ARHGAP32: variants seen among roughly 807,000 people sequenced by gnomAD.
ARHGAP32 encodes the protein rho GTPase-activating protein 32.
ARHGAP32 carries 51 observed loss-of-function variants against 186.5 expected under a neutral mutation model. The observed-to-expected ratio is 0.27, with a 90% CI of 0.22 to 0.35. The LOEUF (loss-of-function observed/expected upper bound fraction) is 0.35, where lower values mean the gene tolerates loss of function less well. Among genes scored for constraint, ARHGAP32 ranks in the 10% least tolerant of loss-of-function variants. The pLI is 1.00. For synonymous variants in ARHGAP32, 950 were observed against 964.3 expected (o/e 0.99, Z 0.27); for missense variants, 2,186 against 2,623.5 (o/e 0.83, Z 3.64).
intron 1 of ARHGAP32, among the ~76,000 whole-genome samples, chr11:129,210,715 C>T (rs1377859499): frequency 1.3e-5 from 2 of 152,196 alleles, no homozygotes; most frequent in African/African-American, 4.8e-5. Context: ...CAATTAACCA[C>T]TCAACTATTT....
intron 1 of ARHGAP32, among the ~76,000 whole-genome samples, chr11:129,243,975 C>T (rs1269709880): frequency 1.3e-5 from 2 of 152,116 alleles, no homozygotes; most frequent in Non-Finnish European, 2.9e-5. Flanking sequence ...TCCTTGTGAA[C>T]AAGTACAGAA....
chr11:128,970,044 T>G lies in ARHGAP32; in HGVS notation c.5169A>C (p.Pro1723=). 1.9e-6 allele frequency: 3 copies of G among 1,614,162 alleles called. No individual in the cohort carries two copies. Among genetic ancestry groups the G allele is most frequent in the East Asian group, 2.2e-5 (1 of 44,880 alleles). Residue 1723 remains proline, a synonymous_variant, in exon 23 of 23, where the codon CCA becomes CCC. Coordinates refer to ENST00000682385, the MANE Select transcript of ARHGAP32 (RefSeq NM_001378024.1). This position sits in a 1 kb window ranked among gnomAD's most constrained non-coding sequence, Gnocchi z 5.8. ...AGCCAGTCACGTTGGCCCGGGGACG[T>G]GGAGCCAAACCAGCATAACTGTACA... ...KSLYSYAGLA[P]RPRANVTGYF...
intron 5 of ARHGAP32, among the ~76,000 whole-genome samples, chr11:129,102,442 G>A (rs570180537): frequency 6.6e-6 from 1 of 152,312 alleles, no homozygotes; most frequent in African/African-American, 2.4e-5. Flanking sequence ...TTGGTATGCT[G>A]TCTTCAAGAC....
At chr11:129,172,121 C>A (rs1257886226) in intron 1 of ARHGAP32, among the ~76,000 whole-genome samples, 1 of 152,148 alleles carries the variant, frequency 6.6e-6, no homozygotes, top group African/African-American at 2.4e-5. Flanking sequence ...CAAACAGAGA[C>A]AACTTGACTT....
chr11:129,060,378 T>C lies in ARHGAP32; in HGVS notation c.963+1902A>G, dbSNP rs551850040. 3.1e-3 allele frequency among the ~76,000 whole-genome samples: 444 copies of C among 145,230 alleles called. 4 individuals are homozygous for C. The highest frequency in any genetic ancestry group is 0.011 in the African/African-American group (426 of 39,354). ...ATAGATAGATAGATAGATAGATAGA[T>C]AGATAAGATAGACAGACAGACAGAC... On this transcript the variant is annotated intron_variant, in intron 10 of 22. Coordinates refer to ENST00000682385, the MANE Select transcript of ARHGAP32 (RefSeq NM_001378024.1).
At chr11:128,980,163 C>T (rs941626412) in intron 18 of ARHGAP32, among the ~76,000 whole-genome samples, 4 of 152,208 alleles carry the variant, frequency 2.6e-5, no homozygotes, top group African/African-American at 9.6e-5. Flanking sequence ...TAATGTGAAA[C>T]CAATGTCAAA....
chr11:128,985,204 G>A (rs969613724), intron 15 of ARHGAP32, among the ~76,000 whole-genome samples: 5 of 152,122 alleles, frequency 3.3e-5, no homozygotes, highest in African/African-American at 1.2e-4. Flanking sequence ...TTTTAGTAGA[G>A]ACGGGGTTTT....
At chr11:129,259,702 C>A (rs932196945) in intron 1 of ARHGAP32, among the ~76,000 whole-genome samples, 1 of 152,074 alleles carries the variant, frequency 6.6e-6, no homozygotes, top group Non-Finnish European at 1.5e-5. Flanking sequence ...AAGCACCTAC[C>A]AGCCTTGTCA....
intron 2 of ARHGAP32, among the ~76,000 whole-genome samples, chr11:129,155,229 T>A (rs1203640954): frequency 6.6e-6 from 1 of 152,224 alleles, no homozygotes; most frequent in Non-Finnish European, 1.5e-5. Flanking sequence ...AGTATCAAAT[T>A]ACAACTGAAC....
chr11:129,163,329 GA>G, intron 2 of ARHGAP32, among the ~76,000 whole-genome samples: 1 of 152,178 alleles, frequency 6.6e-6, no homozygotes, highest in East Asian at 1.9e-4. Flanking sequence ...CACAAAAGAA[GA>G]ATTTCTTCAT....
At chr11:129,011,185 G>A (rs919290617) in intron 11 of ARHGAP32, among the ~76,000 whole-genome samples, 3 of 152,134 alleles carry the variant, frequency 2.0e-5, no homozygotes, top group African/African-American at 7.2e-5. Context: ...CTACCTAAGT[G>A]TTTATATTTA....
chr11:129,064,087 T>C (rs1400869456), intron 8 of ARHGAP32, 63 bp from the exon 9 acceptor site: 2 of 1,419,126 alleles, frequency 1.4e-6, no homozygotes, highest in South Asian at 1.5e-5. Flanking sequence ...TCTTTGACTA[T>C]CTATAAAAGA....
At chr11:129,007,734 G>A (rs1182349344) in intron 11 of ARHGAP32, among the ~76,000 whole-genome samples, 1 of 152,194 alleles carries the variant, frequency 6.6e-6, no homozygotes, top group Non-Finnish European at 1.5e-5. Context: ...TGGTGTCTCA[G>A]TAGGTCATGT....
intron 5 of ARHGAP32, among the ~76,000 whole-genome samples, chr11:129,121,314 C>A (rs1942523319): frequency 6.6e-6 from 1 of 151,994 alleles, no homozygotes; most frequent in African/African-American, 2.4e-5. Context: ...AGTTCTTTTG[C>A]TACACAACTT....
intron 16 of ARHGAP32, 131 bp from the exon 17 acceptor site, chr11:128,981,692 G>A (rs531842325): frequency 1.8e-5 from 21 of 1,192,998 alleles, no homozygotes; most frequent in Middle Eastern, 2.3e-4. Context: ...CTAAGGCCCA[G>A]TTGCCTGTTT....
chr11:129,115,205 T>C (rs1289961915), intron 5 of ARHGAP32, among the ~76,000 whole-genome samples: 1 of 152,080 alleles, frequency 6.6e-6, no homozygotes, highest in African/African-American at 2.4e-5. Flanking sequence ...ACCTTCAACC[T>C]CCTAATATTT....
chr11:129,274,666 T>G (rs1486434775), intron 1 of ARHGAP32, among the ~76,000 whole-genome samples: 1 of 152,142 alleles, frequency 6.6e-6, no homozygotes, highest in Non-Finnish European at 1.5e-5. Context: ...GCACACCAAA[T>G]TTCTCAACTG....
At chr11:129,187,822 A>T (rs1944193313) in intron 1 of ARHGAP32, among the ~76,000 whole-genome samples, 4 of 152,294 alleles carry the variant, frequency 2.6e-5, no homozygotes, top group Non-Finnish European at 1.5e-5. Context: ...ATCATAAGTA[A>T]TAGGTTATTA....
At chr11:129,060,554 T>G (rs1400849841) in intron 10 of ARHGAP32, among the ~76,000 whole-genome samples, 1 of 152,180 alleles carries the variant, frequency 6.6e-6, no homozygotes, top group Non-Finnish European at 1.5e-5. Flanking sequence ...AAAAGATAAC[T>G]GTAGTCTTCT....
Sources: gnomAD v4.1 joint callset for allele counts (sites outside exome capture counted in the v4.1 genomes callset) on GRCh38, gnomAD v4.1.1 for gene constraint, Gnocchi (gnomAD v3.1) non-coding constraint, MANE v1.5 for transcripts, NCBI Gene and HGNC (gene_info 2026-07-23, HGNC 2026-07-21) for gene names.